The following PCDH15 variants were observed in gnomAD, a reference collection of about 807,000 sequenced individuals.
PCDH15 encodes protocadherin related 15.
Under a neutral mutation model 178.5 loss-of-function variants are expected in PCDH15, and 129 were observed. The observed-to-expected ratio is 0.72, with a 90% confidence interval of 0.63 to 0.84. The LOEUF is 0.84. Among genes scored for constraint, PCDH15 ranks in the 40% least tolerant of loss-of-function variants. The pLI, the probability that PCDH15 is intolerant of heterozygous loss-of-function variation, is 0.00. For missense variants in PCDH15, 2,230 were observed against 2,099.9 expected (o/e 1.06, Z -1.21); for synonymous variants, 800 against 732.0 (o/e 1.09, Z -1.50).
intron 30 of PCDH15, 123 bp from the exon 31 acceptor site, chr10:53,828,696 G>C: frequency 1.2e-6 from 1 of 857,698 alleles, no homozygotes. Flanking sequence ...CATAATGACA[G>C]AGTTAATGAC....
intron 2 of PCDH15, among the ~76,000 whole-genome samples, chr10:55,162,191 T>C (rs1479487646): frequency 6.6e-6 from 1 of 152,174 alleles, no homozygotes; most frequent in Non-Finnish European, 1.5e-5. Context: ...CACACAGTTA[T>C]AAGTTCCGTT....
At chr10:54,090,113 A>T (rs745710522) in intron 15 of PCDH15, 50 bp from the exon 16 acceptor site, 2 of 1,342,056 alleles carry the variant, frequency 1.5e-6, no homozygotes, top group Non-Finnish European at 2.1e-6. Flanking sequence ...TATGGCGCCC[A>T]CTCATTACAG....
At chr10:53,883,699 A>G (rs1452201802) in intron 26 of PCDH15, among the ~76,000 whole-genome samples, 2 of 152,184 alleles carry the variant, frequency 1.3e-5, no homozygotes, top group Non-Finnish European at 2.9e-5. Context: ...TAGTTTCTAA[A>G]TAACATTCAC....
At chr10:55,259,415 G>A (rs1842092061) in intron 1 of PCDH15, among the ~76,000 whole-genome samples, 1 of 152,150 alleles carries the variant, frequency 6.6e-6, no homozygotes, top group Non-Finnish European at 1.5e-5. Context: ...GTATTTCAAG[G>A]GACAGGGAGT....
chr10:54,024,892 A>T (rs2093035952), intron 18 of PCDH15, among the ~76,000 whole-genome samples: 1 of 152,130 alleles, frequency 6.6e-6, no homozygotes, highest in South Asian at 2.1e-4. Context: ...GAAATTACTC[A>T]TCAAGTAAAT....
At chr10:55,322,161 G>T (rs1357119018), upstream of PCDH15, among the ~76,000 whole-genome samples, 1 of 152,166 alleles carries the variant, frequency 6.6e-6, no homozygotes, top group African/African-American at 2.4e-5. Flanking sequence ...GTATCATGAG[G>T]TCTGATGGTT....
intron 7 of PCDH15, among the ~76,000 whole-genome samples, chr10:54,324,342 G>T (rs2061799208): frequency 6.6e-6 from 1 of 152,002 alleles, no homozygotes; most frequent in Non-Finnish European, 1.5e-5. Context: ...TATAATTTTA[G>T]GAATTATATC....
At chr10:54,973,336 CCT>C (rs1159014523) in intron 2 of PCDH15, among the ~76,000 whole-genome samples, 4 of 152,226 alleles carry the variant, frequency 2.6e-5, no homozygotes, top group Admixed American at 2.0e-4. Context: ...TTCCTTGAAA[CCT>C]CTCTCAAATT....
At chr10:54,087,961 G>A (rs945298605) in intron 16 of PCDH15, among the ~76,000 whole-genome samples, 17 of 152,078 alleles carry the variant, frequency 1.1e-4, no homozygotes, top group Non-Finnish European at 8.8e-5. Flanking sequence ...CATGTGAAGC[G>A]CTGACTCCCC....
rs558840780 is a variant in PCDH15, at chr10:55,528,753, G to T, written c.-156+98872C>A. Among the ~76,000 whole-genome samples, 3 of 152,066 alleles carry T rather than the reference G, an allele frequency of 2.0e-5. No individual in the cohort carries two copies. In the South Asian group the frequency reaches 6.2e-4, roughly 32 times the overall value. ...TTGGGTATATACCCAGTATTGAGACGGCTGGGTCAAATAGTATTTCTAGTT... is the reference window on the plus strand; with the variant it reads ...TTGGGTATATACCCAGTATTGAGACTGCTGGGTCAAATAGTATTTCTAGTT... On this transcript the variant is annotated intron_variant, in intron 2 of 5. Coordinates refer to the PCDH15 transcript ENST00000613346.
At chr10:54,510,080 T>C (rs1328807387) in intron 3 of PCDH15, among the ~76,000 whole-genome samples, 2 of 152,212 alleles carry the variant, frequency 1.3e-5, no homozygotes, top group East Asian at 3.9e-4. Context: ...AAGGGAGCTA[T>C]TGCTCCTTGT....
chr10:54,136,209 C>T (rs527999284), intron 14 of PCDH15, among the ~76,000 whole-genome samples: 1 of 152,228 alleles, frequency 6.6e-6, no homozygotes, highest in East Asian at 1.9e-4. Context: ...CAAGAATCTA[C>T]AATTTTCACA....
At chr10:55,289,703 G>T (rs1842960811) in intron 1 of PCDH15, among the ~76,000 whole-genome samples, 1 of 151,862 alleles carries the variant, frequency 6.6e-6, no homozygotes, top group Non-Finnish European at 1.5e-5. Context: ...AATATCTATT[G>T]CTATGGTTTG....
At chr10:54,736,797 A>G (rs995900909) in intron 1 of PCDH15, among the ~76,000 whole-genome samples, 1 of 152,050 alleles carries the variant, frequency 6.6e-6, no homozygotes, top group Non-Finnish European at 1.5e-5. Context: ...CTATGATTCT[A>G]GAGAATAGGG....
chr10:54,105,279 TATATATA>T (rs1565274041), intron 15 of PCDH15, among the ~76,000 whole-genome samples: 1 of 12,386 alleles, frequency 8.1e-5, no homozygotes, highest in African/African-American at 4.1e-4. Context: ...TAGATGGAGA[TATATATA>T]TATATATATA....
At chr10:54,802,761 C>T (rs1273299308), upstream of PCDH15, among the ~76,000 whole-genome samples, 2 of 152,108 alleles carry the variant, frequency 1.3e-5, no homozygotes, top group African/African-American at 4.8e-5. Flanking sequence ...GTTTCAGTAA[C>T]CATAAGAATT....
chr10:54,910,454 T>C (rs1473800337), intron 2 of PCDH15, among the ~76,000 whole-genome samples: 1 of 152,196 alleles, frequency 6.6e-6, no homozygotes, highest in East Asian at 1.9e-4. Context: ...AGAGATATTT[T>C]CTTAGTCTCA....
intron 2 of PCDH15, among the ~76,000 whole-genome samples, chr10:54,641,874 T>G (rs1236253096): frequency 6.6e-6 from 1 of 151,708 alleles, no homozygotes; most frequent in African/African-American, 2.4e-5. Flanking sequence ...CTGGTCCTGT[T>G]CCAGCTTTAA....
rs144410115 is a variant in PCDH15, at chr10:54,907,085, G to A, written c.-79-9585C>T. ...TTCTTTTCTTGGCAGAAGTCACAGAGAAAAGGAAAGAGATGATTCCTTTCC... is the reference window on the plus strand; with the variant it reads ...TTCTTTTCTTGGCAGAAGTCACAGAAAAAAGGAAAGAGATGATTCCTTTCC... On this transcript the variant is annotated intron_variant, in intron 2 of 5. Transcript: ENST00000458638. Among the ~76,000 whole-genome samples, 57 of 152,196 alleles carry A rather than the reference G, an allele frequency of 3.7e-4. 1 individual carries two copies. In the East Asian group the frequency reaches 0.01, roughly 27 times the overall value.
Sources: allele counts gnomAD v4.1 joint callset (sites outside exome capture counted in the v4.1 genomes callset), GRCh38; gene constraint gnomAD v4.1.1; transcripts MANE v1.5; gene names NCBI Gene and HGNC (gene_info 2026-07-23, HGNC 2026-07-21).